The following FMN1 variants were observed in gnomAD, a reference collection of about 807,000 sequenced individuals.
FMN1 encodes formin 1, also known as formin-1.
FMN1 carries 110 observed loss-of-function variants against 132.4 expected under a neutral mutation model. The ratio of observed to expected loss-of-function variants is 0.83; its 90% CI spans 0.71 to 0.97. The LOEUF is 0.97. Ranked by LOEUF, FMN1 falls within the 50% of genes least tolerant of loss-of-function variation. The pLI, the probability that FMN1 is intolerant of heterozygous loss-of-function variation, is 0.00. For synonymous variants in FMN1, 722 were observed against 651.7 expected (o/e 1.11, Z -1.64); for missense variants, 1,792 against 1,705.3 (o/e 1.05, Z -0.90).
intron 7 of FMN1, among the ~76,000 whole-genome samples, chr15:32,999,556 T>C (rs1184538932): frequency 6.6e-6 from 1 of 152,226 alleles, no homozygotes; most frequent in Non-Finnish European, 1.5e-5. Flanking sequence ...GTTACCAAAC[T>C]AGAAATGTGA....
chr15:32,810,027 C>G (rs781406788), intron 17 of FMN1, among the ~76,000 whole-genome samples: 2 of 152,072 alleles, frequency 1.3e-5, no homozygotes, highest in Non-Finnish European at 2.9e-5. Context: ...TCAAGTGATT[C>G]TCCAGCCTCA....
At chr15:32,807,884 T>C (rs1041586213) in intron 17 of FMN1, among the ~76,000 whole-genome samples, 2 of 152,262 alleles carry the variant, frequency 1.3e-5, no homozygotes, top group African/African-American at 2.4e-5. Flanking sequence ...TCTACCTTTA[T>C]GGTGTGACTT....
intron 6 of FMN1, among the ~76,000 whole-genome samples, chr15:33,040,289 A>T (rs570097494): frequency 8.5e-5 from 13 of 152,252 alleles, no homozygotes; most frequent in Admixed American, 8.5e-4. Context: ...TTTGTGTTCC[A>T]CTATATGCTA....
chr15:33,115,933 G>C (rs768162888), intron 4 of FMN1, among the ~76,000 whole-genome samples: 2 of 152,068 alleles, frequency 1.3e-5, no homozygotes, highest in Non-Finnish European at 2.9e-5. Flanking sequence ...ATTTCAACTA[G>C]ATTCTCTCAC....
At chr15:32,870,178 A>G (rs528094684) in intron 16 of FMN1, among the ~76,000 whole-genome samples, 7 of 152,274 alleles carry the variant, frequency 4.6e-5, no homozygotes, top group Admixed American at 1.3e-4. Context: ...GACTCCTTAG[A>G]AAGATTCTTC....
chr15:33,024,792 CA>C (rs1375438415), intron 6 of FMN1, among the ~76,000 whole-genome samples: 1 of 152,162 alleles, frequency 6.6e-6, no homozygotes, highest in African/African-American at 2.4e-5. Flanking sequence ...TTGTTTCTAA[CA>C]GTGAAAAATA....
chr15:32,807,415 T>C (rs1182766570), intron 17 of FMN1, among the ~76,000 whole-genome samples: 3 of 152,236 alleles, frequency 2.0e-5, no homozygotes, highest in Non-Finnish European at 4.4e-5. Context: ...CCTGTGTCTC[T>C]CCTAGGTTAT....
intron 5 of FMN1, among the ~76,000 whole-genome samples, chr15:33,075,644 A>AT (rs2038179270): frequency 1.3e-5 from 2 of 152,052 alleles, no homozygotes; most frequent in Non-Finnish European, 2.9e-5. Context: ...CTCCAACATG[A>AT]TTTTTAAACC....
At chr15:32,941,468 T>G (rs2061399478) in intron 9 of FMN1, among the ~76,000 whole-genome samples, 1 of 152,194 alleles carries the variant, frequency 6.6e-6, no homozygotes, top group African/African-American at 2.4e-5. Context: ...AAGGTTACAT[T>G]TAGATAATGC....
intron 17 of FMN1, among the ~76,000 whole-genome samples, chr15:32,830,789 C>G (rs536945236): frequency 6.6e-6 from 1 of 152,104 alleles, no homozygotes; most frequent in African/African-American, 2.4e-5. Flanking sequence ...CATGTGAACT[C>G]ACATATGAAG....
rs138000324 is a variant in FMN1, at chr15:33,017,177, G to C, written c.2162-9102C>G. ...TGGTTGCCAAGGCCTTGGGAGGAGG[G>C]AGGAATCAGTGGAGCGACAGGGGGT... On this transcript the variant is annotated intron_variant, in intron 6 of 20. Coordinates refer to ENST00000616417, the MANE Select transcript of FMN1 (RefSeq NM_001277313.2). Among the ~76,000 whole-genome samples the C allele has an allele frequency of 3.1e-3, 474 of 151,976 alleles. 10 individuals are homozygous for C. In the East Asian group the frequency reaches 0.04, roughly 13 times the overall value.
chr15:32,880,052 G>T (rs1258233287), intron 16 of FMN1, among the ~76,000 whole-genome samples: 3 of 148,680 alleles, frequency 2.0e-5, no homozygotes, highest in Admixed American at 6.7e-5. Flanking sequence ...AGCTTCTATT[G>T]TTTTTTTTTT....
At chr15:32,956,510 G>C (rs1208665287) in intron 9 of FMN1, among the ~76,000 whole-genome samples, 1 of 152,044 alleles carries the variant, frequency 6.6e-6, no homozygotes, top group African/African-American at 2.4e-5. Flanking sequence ...GGCCAGTCAG[G>C]AGTCCTTAAA....
intron 16 of FMN1, among the ~76,000 whole-genome samples, chr15:32,877,879 C>CATTT (rs199764695): frequency 0.1 from 15,533 of 152,192 alleles, 1,878 homozygotes; most frequent in African/African-American, 0.29. Flanking sequence ...CTCATTCATT[C>CATTT]ACCCATTTAC....
intron 11 of FMN1, among the ~76,000 whole-genome samples, chr15:32,908,972 C>T (rs1030422344): frequency 6.6e-6 from 1 of 152,156 alleles, no homozygotes; most frequent in Non-Finnish European, 1.5e-5. Flanking sequence ...TTAGAACAGC[C>T]CTAAATTATA....
At chr15:32,819,271 C>G (rs895480236) in intron 17 of FMN1, among the ~76,000 whole-genome samples, 3 of 152,188 alleles carry the variant, frequency 2.0e-5, no homozygotes, top group Admixed American at 2.0e-4. Flanking sequence ...CTTATTTTCT[C>G]TCTCCTTTTA....
intron 6 of FMN1, among the ~76,000 whole-genome samples, chr15:33,043,801 G>A (rs2036552649): frequency 6.6e-6 from 1 of 152,204 alleles, no homozygotes; most frequent in Admixed American, 6.5e-5. Flanking sequence ...TAAGTTGGCA[G>A]GGCACAGCTG....
intron 4 of FMN1, among the ~76,000 whole-genome samples, chr15:33,149,209 G>A (rs1390953544): frequency 6.6e-6 from 1 of 152,000 alleles, no homozygotes; most frequent in African/African-American, 2.4e-5. Flanking sequence ...TAACAGCCTG[G>A]CCAGTGTTCT....
In FMN1 at chr15:32,798,935, T is replaced by C. The variant is rs778295861; in HGVS notation, c.3999A>G (p.Arg1333=). Residue 1333 remains arginine (R), a synonymous_variant, in exon 19 of 21, where the codon CGA becomes CGG. Coordinates refer to ENST00000616417, the MANE Select transcript of FMN1 (RefSeq NM_001277313.2). The part of the protein sequence containing the change: ...NAQKSFETTV[R]YFGMKPKSGE... ...CAGACTTTGGCTTCATCCCAAAATA[T>C]CGTACTGTTGTTTCAAAACTGCAAC... 7 of 1,613,358 alleles carry C rather than the reference T, an allele frequency of 4.3e-6. No homozygotes were observed. The highest frequency in any genetic ancestry group is 1.3e-5 in the African/African-American group (1 of 74,878).
Sources: gnomAD v4.1 joint callset for allele counts (sites outside exome capture counted in the v4.1 genomes callset) on GRCh38, gnomAD v4.1.1 for gene constraint, MANE v1.5 for transcripts, NCBI Gene and HGNC (gene_info 2026-07-23, HGNC 2026-07-21) for gene names.